The following THSD7B variants were observed in gnomAD, a reference collection of about 807,000 sequenced individuals.
THSD7B encodes the protein thrombospondin type-1 domain-containing protein 7B.
Under a neutral mutation model 213.6 loss-of-function variants are expected in THSD7B, and 138 were observed. The observed-to-expected ratio is 0.65, with a 90% confidence interval of 0.56 to 0.74. The LOEUF (loss-of-function observed/expected upper bound fraction) is 0.74, where lower values mean the gene tolerates loss of function less well. THSD7B is among the 30% of genes least tolerant of loss of function. The pLI, the probability that THSD7B is intolerant of heterozygous loss-of-function variation, is 0.00. For synonymous variants in THSD7B, 742 were observed against 687.0 expected (o/e 1.08, Z -1.25); for missense variants, 1,931 against 1,991.5 (o/e 0.97, Z 0.58).
intron 14 of THSD7B, among the ~76,000 whole-genome samples, chr2:137,415,664 GTTTTTTTTTTTTT>G (rs10563702): frequency 2.5e-5 from 2 of 80,102 alleles, no homozygotes; most frequent in Non-Finnish European, 4.7e-5. Context: ...TTATATCAGT[GTTTTTTTTTTTTT>G]TTTTTTTTTT....
intron 2 of THSD7B, among the ~76,000 whole-genome samples, chr2:136,941,142 G>A (rs1237370293): frequency 2.0e-5 from 3 of 152,096 alleles, no homozygotes; most frequent in Admixed American, 6.6e-5. Flanking sequence ...TGCTCAGAAT[G>A]ATGGTTTCCA....
intron 3 of THSD7B, among the ~76,000 whole-genome samples, chr2:137,064,143 T>C (rs1367514060): frequency 6.6e-6 from 1 of 152,012 alleles, no homozygotes; most frequent in African/African-American, 2.4e-5. Context: ...GTGATTCCCT[T>C]TTTTCCACAT....
intron 1 of THSD7B, among the ~76,000 whole-genome samples, chr2:136,785,939 G>T (rs1168404467): frequency 6.6e-6 from 1 of 152,132 alleles, no homozygotes; most frequent in African/African-American, 2.4e-5. Flanking sequence ...AAACAAATGA[G>T]TTCTTTTCCC....
chr2:136,944,994 T>C (rs900440452), intron 2 of THSD7B, among the ~76,000 whole-genome samples: 1 of 152,204 alleles, frequency 6.6e-6, no homozygotes, highest in African/African-American at 2.4e-5. Context: ...CGATGGTCTT[T>C]ACAATTTGGC....
At chr2:136,895,171 TC>T in intron 2 of THSD7B, among the ~76,000 whole-genome samples, 1 of 152,310 alleles carries the variant, frequency 6.6e-6, no homozygotes, top group Non-Finnish European at 1.5e-5. Context: ...TGGCACCTTC[TC>T]TTTTGTTTCT....
chr2:137,370,579 A>C, intron 12 of THSD7B, among the ~76,000 whole-genome samples: 1 of 152,030 alleles, frequency 6.6e-6, no homozygotes, highest in Admixed American at 6.6e-5. Context: ...GGTGATCCTC[A>C]TGTCTCAGCC....
intron 7 of THSD7B, among the ~76,000 whole-genome samples, chr2:137,192,494 A>C (rs1285797021): frequency 6.6e-6 from 1 of 152,196 alleles, no homozygotes; most frequent in African/African-American, 2.4e-5. Context: ...ATACTTGTAT[A>C]CTTGAGAAGA....
At chr2:137,082,617 C>T (rs1350622150) in intron 3 of THSD7B, among the ~76,000 whole-genome samples, 4 of 152,028 alleles carry the variant, frequency 2.6e-5, no homozygotes. Flanking sequence ...GCCATGCAGC[C>T]ATTAGGAAAT....
At chr2:136,923,867 A>G (rs1003890949) in intron 2 of THSD7B, among the ~76,000 whole-genome samples, 11 of 152,190 alleles carry the variant, frequency 7.2e-5, no homozygotes, top group African/African-American at 1.2e-4. Context: ...CTTATCAGAT[A>G]TATGATTGGC....
At chr2:137,037,514 T>C (rs1295459910) in intron 2 of THSD7B, among the ~76,000 whole-genome samples, 1 of 151,868 alleles carries the variant, frequency 6.6e-6, no homozygotes, top group Non-Finnish European at 1.5e-5. Context: ...TATTTTTCCA[T>C]GTAAATGCAG....
intron 21 of THSD7B, among the ~76,000 whole-genome samples, chr2:137,651,927 A>G (rs1683148333): frequency 6.6e-6 from 1 of 151,972 alleles, no homozygotes; most frequent in East Asian, 1.9e-4. Flanking sequence ...ACTTGATATG[A>G]TTTCTACTTT....
intron 12 of THSD7B, among the ~76,000 whole-genome samples, chr2:137,395,583 T>A (rs906948935): frequency 6.6e-6 from 1 of 152,144 alleles, no homozygotes; most frequent in East Asian, 1.9e-4. Flanking sequence ...TATTGAGGAT[T>A]TTTGCATCAA....
At chr2:136,917,710 C>T (rs1004029522) in intron 2 of THSD7B, among the ~76,000 whole-genome samples, 16 of 152,158 alleles carry the variant, frequency 1.1e-4, no homozygotes, top group African/African-American at 3.4e-4. Flanking sequence ...CTATGTAACC[C>T]GAGCCATAAG....
At chr2:137,190,284 G>A (rs775010917) in intron 7 of THSD7B, among the ~76,000 whole-genome samples, 1 of 152,158 alleles carries the variant, frequency 6.6e-6, no homozygotes, top group Non-Finnish European at 1.5e-5. Flanking sequence ...TCCAAATCTA[G>A]GATGTACCAG....
Position 136,950,321 on chromosome 2 carries a change from G to A in THSD7B, c.139+68004G>A, listed in dbSNP as rs557801292. 1.6e-3 allele frequency among the ~76,000 whole-genome samples: 249 copies of A among 152,136 alleles called. 1 individual carries two copies. Among genetic ancestry groups the A allele is most frequent in the Non-Finnish European group, 2.8e-3 (189 of 67,990 alleles). On this transcript the variant is annotated intron_variant, in intron 2 of 27. Coordinates refer to ENST00000409968, the MANE Select transcript of THSD7B (RefSeq NM_001316349.2). The stretch of plus-strand genomic sequence containing the variant: ...CACAAACCTTCAGTGACTGTGTAAT[G>A]AACACACCCTAGATGACAGGTTGAT...
rs372532349 is a variant in THSD7B, at chr2:137,030,080, A to G, written c.140-26340A>G. On this transcript the variant is annotated intron_variant, in intron 2 of 27. Coordinates refer to ENST00000409968, the MANE Select transcript of THSD7B (RefSeq NM_001316349.2). ...TGCATCAAATATATCAAGATAATCT[A>G]TGTGTGGGTTTTGCATGTGTGGGTG... Among the ~76,000 whole-genome samples, 5 of 152,166 alleles carry G rather than the reference A, an allele frequency of 3.3e-5. 1 individual carries two copies. Among genetic ancestry groups the G allele is most frequent in the South Asian group, 2.1e-4 (1 of 4,814 alleles).
intron 2 of THSD7B, among the ~76,000 whole-genome samples, chr2:136,977,880 A>G (rs1328060331): frequency 1.3e-5 from 2 of 150,736 alleles, no homozygotes; most frequent in Non-Finnish European, 3.0e-5. Context: ...GCTCACTGCA[A>G]CCTCTGCCTC....
At chr2:137,005,805 TAAAATAAAATAA>T (rs1484030904) in intron 2 of THSD7B, among the ~76,000 whole-genome samples, 1 of 152,162 alleles carries the variant, frequency 6.6e-6, no homozygotes, top group Non-Finnish European at 1.5e-5. Flanking sequence ...GTCTCTGCCT[TAAAATAAAATAA>T]AAAATAATAA....
At chr2:137,141,495 C>T (rs548982714) in intron 5 of THSD7B, among the ~76,000 whole-genome samples, 19 of 4,076 alleles carry the variant, frequency 4.7e-3, no homozygotes, top group South Asian at 0.024. Context: ...CACACACACT[C>T]ACACACACAC....
Sources: allele counts gnomAD v4.1 joint callset (sites outside exome capture counted in the v4.1 genomes callset), GRCh38; gene constraint gnomAD v4.1.1; transcripts MANE v1.5; gene names NCBI Gene and HGNC (gene_info 2026-07-23, HGNC 2026-07-21).